GLIS3: variants seen among roughly 807,000 people sequenced by gnomAD.
GLIS3 encodes zinc finger protein GLIS3.
GLIS3 carries 53 observed loss-of-function variants against 78.6 expected under a neutral mutation model. That is an observed-to-expected ratio of 0.67 (90% CI 0.54 to 0.85). The LOEUF (loss-of-function observed/expected upper bound fraction) is 0.85, where lower values mean the gene tolerates loss of function less well. GLIS3 is among the 40% of genes least tolerant of loss of function. The pLI is 0.00. For synonymous variants in GLIS3, 684 were observed against 509.9 expected, an observed-to-expected ratio of 1.34 and a Z score of -4.60; for missense variants, 1,703 against 1,231.1, an observed-to-expected ratio of 1.38 and a Z score of -5.74.
At position 4,171,987 on chromosome 9, in the gene GLIS3, T is replaced by C. The variant is rs143107176; in HGVS notation, c.389-46046A>G. On this transcript the variant is annotated intron_variant, in intron 2 of 10. Coordinates refer to ENST00000381971, the MANE Select transcript of GLIS3 (RefSeq NM_001042413.2). ...TGATAATAACCAGAAGGGTTTTTTG[T>C]GGTAGTTTGGTTTTTTTAATTCCAA... Among the ~76,000 whole-genome samples, 1,181 of 152,292 alleles carry C rather than the reference T, an allele frequency of 7.8e-3. 14 individuals carry two copies. Among genetic ancestry groups the C allele is most frequent in the African/African-American group, 0.027 (1,137 of 41,554 alleles).
At chr9:3,863,808 A>C (rs1820391513) in intron 8 of GLIS3, among the ~76,000 whole-genome samples, 1 of 152,056 alleles carries the variant, frequency 6.6e-6, no homozygotes. Flanking sequence ...AAACTAATCA[A>C]TGCCCAAGGC....
chr9:3,861,288 G>A (rs1004056430), intron 8 of GLIS3, among the ~76,000 whole-genome samples: 4 of 152,088 alleles, frequency 2.6e-5, no homozygotes, highest in African/African-American at 9.7e-5. Flanking sequence ...AACAGAAAGT[G>A]AGGCATTTTT....
chr9:4,335,682 G>C (rs1817745647), intron 2 of GLIS3, among the ~76,000 whole-genome samples: 1 of 152,146 alleles, frequency 6.6e-6, no homozygotes, highest in Middle Eastern at 3.2e-3. Flanking sequence ...TAGGGTTTTA[G>C]TTTAAACCTG....
chr9:4,346,289 C>T (rs1015135482), intron 2 of GLIS3, among the ~76,000 whole-genome samples: 1 of 152,124 alleles, frequency 6.6e-6, no homozygotes, highest in African/African-American at 2.4e-5. Flanking sequence ...TCTCTTGATG[C>T]AGCCTAGCTT....
chr9:4,068,266 T>A (rs117675245), intron 4 of GLIS3, among the ~76,000 whole-genome samples: 5,992 of 152,204 alleles, frequency 0.039, 142 homozygotes, highest in South Asian at 0.068. Context: ...AATCAAATCC[T>A]AAAACTTCAG....
intron 2 of GLIS3, among the ~76,000 whole-genome samples, chr9:4,255,868 T>C (rs2129940562): frequency 6.6e-6 from 1 of 152,176 alleles, no homozygotes; most frequent in South Asian, 2.1e-4. Flanking sequence ...CTCTGGGTAA[T>C]CATGATGTGT....
chr9:4,259,704 G>A (rs1409927099), intron 2 of GLIS3, among the ~76,000 whole-genome samples: 1 of 152,168 alleles, frequency 6.6e-6, no homozygotes, highest in Non-Finnish European at 1.5e-5. Context: ...GGCAGGACCT[G>A]TTCAAACTTG....
At chr9:3,843,227 C>T (rs1289865559) in intron 9 of GLIS3, among the ~76,000 whole-genome samples, 3 of 152,148 alleles carry the variant, frequency 2.0e-5, no homozygotes, top group African/African-American at 2.4e-5. Context: ...TCTTCGAATC[C>T]GAGTCTGTTA....
At chr9:4,432,875 A>G in the GLIS3 span, among the ~76,000 whole-genome samples, 1 of 151,954 alleles carries the variant, frequency 6.6e-6, no homozygotes, top group Non-Finnish European at 1.5e-5. Context: ...TCCTAACTCC[A>G]GGTGAGCCAC....
At chr9:4,205,222 CA>C (rs1222563403) in intron 2 of GLIS3, among the ~76,000 whole-genome samples, 1 of 150,476 alleles carries the variant, frequency 6.6e-6, no homozygotes, top group Non-Finnish European at 1.5e-5. Flanking sequence ...TTCAAGACAG[CA>C]AGCCACTATT....
At chr9:4,253,970 G>C (rs1379004498) in intron 2 of GLIS3, among the ~76,000 whole-genome samples, 2 of 152,152 alleles carry the variant, frequency 1.3e-5, no homozygotes, top group Non-Finnish European at 1.5e-5. Context: ...ACATGAGCCA[G>C]GTACCTCAGT....
At chr9:4,435,892 T>C in the GLIS3 span, among the ~76,000 whole-genome samples, 1 of 152,170 alleles carries the variant, frequency 6.6e-6, no homozygotes, top group Non-Finnish European at 1.5e-5. Context: ...GAGCTTGCAG[T>C]GAGCCAAGAT....
intron 4 of GLIS3, among the ~76,000 whole-genome samples, chr9:3,959,665 T>C (rs1817410642): frequency 6.6e-6 from 1 of 152,124 alleles, no homozygotes; most frequent in African/African-American, 2.4e-5. Context: ...CACATGCCAT[T>C]CCCTGCCCCA....
chr9:4,195,368 G>C (rs1479041831), intron 2 of GLIS3, among the ~76,000 whole-genome samples: 1 of 152,234 alleles, frequency 6.6e-6, no homozygotes, highest in Admixed American at 6.5e-5. Context: ...GGTGGGCGTG[G>C]GCTTGGCCGG....
chr9:4,483,270 G>A, the GLIS3 span, among the ~76,000 whole-genome samples: 59 of 152,146 alleles, frequency 3.9e-4, no homozygotes, highest in Non-Finnish European at 7.1e-4. Flanking sequence ...AACCACTGCC[G>A]CGTGAAATGT....
At chr9:4,334,150 A>G (rs949583626) in intron 2 of GLIS3, among the ~76,000 whole-genome samples, 3 of 152,156 alleles carry the variant, frequency 2.0e-5, no homozygotes, top group African/African-American at 7.2e-5. Flanking sequence ...AATTCACCCA[A>G]ATTTAGGTAA....
intron 7 of GLIS3, among the ~76,000 whole-genome samples, chr9:3,893,110 G>A (rs139370700): frequency 5.9e-5 from 9 of 152,102 alleles, no homozygotes; most frequent in African/African-American, 2.2e-4. Flanking sequence ...TCTACCTTCC[G>A]ATAGGAGAAA....
chr9:3,921,663 TA>T (rs1236063155), intron 6 of GLIS3, among the ~76,000 whole-genome samples: 1 of 152,098 alleles, frequency 6.6e-6, no homozygotes. Context: ...TTTCTATGAT[TA>T]AAAAATCCAC....
In GLIS3 at chr9:3,898,573, G is replaced by A. The variant is rs549354285; in HGVS notation, c.2128+118C>T. On this transcript the variant is annotated intron_variant, in intron 7 of 10. Coordinates refer to ENST00000381971, the MANE Select transcript of GLIS3 (RefSeq NM_001042413.2). Reference sequence around the variant, plus strand: ...GGTGGAGAGCAATTTGCAGCCCATTGATAAAGAACAACACAGACGATCTTA... The same window carrying A: ...GGTGGAGAGCAATTTGCAGCCCATTAATAAAGAACAACACAGACGATCTTA... 5.6e-5 allele frequency: 67 copies of A among 1,193,830 alleles called. No homozygotes were observed. In the African/African-American group the frequency reaches 9.0e-4, roughly 16 times the overall value. 74.0% of individuals were successfully genotyped at this position (1,193,830 alleles called of 1,614,324 possible). A position where few individuals can be genotyped will look rare whatever the true frequency, so the allele number is the denominator to read the frequency against.
Sources: allele counts gnomAD v4.1 joint callset (sites outside exome capture counted in the v4.1 genomes callset), GRCh38; gene constraint gnomAD v4.1.1; transcripts MANE v1.5; gene names NCBI Gene and HGNC (gene_info 2026-07-23, HGNC 2026-07-21).